The following CHI3L1 variants were observed in gnomAD, a reference collection of about 807,000 sequenced individuals.
CHI3L1 encodes chitinase-3-like protein 1.
In CHI3L1, 30 loss-of-function variants were observed where a neutral mutation model predicts 40.7. The ratio of observed to expected loss-of-function variants is 0.74; its 90% CI spans 0.55 to 1.00. The LOEUF (loss-of-function observed/expected upper bound fraction) is 1.00, where lower values mean the gene tolerates loss of function less well. Among genes scored for constraint, CHI3L1 ranks in the 50% least tolerant of loss-of-function variants. The probability of loss-of-function intolerance (pLI) is 0.00; values close to 1 mark genes in which losing one functional copy is unlikely to be tolerated. For synonymous variants in CHI3L1, 210 were observed against 192.1 expected (o/e 1.09, Z -0.77); for missense variants, 493 against 492.2 (o/e 1.00, Z -0.01).
At position 203,183,778 on chromosome 1, in the gene CHI3L1, C is replaced by T. The variant is rs1280587751; in HGVS notation, c.328G>A (p.Ala110Thr). The T allele has an allele frequency of 6.2e-7, 1 of 1,614,200 alleles. No individual in the cohort carries two copies. The highest frequency in any genetic ancestry group is 8.5e-7 in the Non-Finnish European group (1 of 1,180,022). ...NFGSQRFSKI[A>T]SNTQSRRTFI... ...GTCCGGCGACTCTGGGTGTTGGAGG[C>T]TATCTTGGAAAATCTAGGACCAAAA... is the stretch of plus-strand genomic sequence containing the variant. The change falls in exon 5 of 10, where the codon GCC becomes ACC. Residue 110 changes from alanine to threonine, a missense_variant. By Grantham distance (58) the Ala-to-Thr change is moderately conservative. Coordinates refer to ENST00000255409, the MANE Select transcript of CHI3L1 (RefSeq NM_001276.4).
intron 2 of CHI3L1, 133 bp downstream of exon 2, chr1:203,186,183 G>A: frequency 1.1e-6 from 1 of 901,110 alleles, no homozygotes; most frequent in Non-Finnish European, 1.8e-6. Context: ...TAGCAAACGT[G>A]ACTATTTCGA....
chr1:203,180,666 G>T lies in CHI3L1; in HGVS notation c.712-14C>A, dbSNP rs773578801. ...CACAGCATAGTCCTGGGTGGGGTAG[G>T]GTGGGAACAACGTGAGCAGTTAGTG... On this transcript the variant is annotated splice_polypyrimidine_tract_variant and intron_variant, in intron 7 of 9. Coordinates refer to ENST00000255409, the MANE Select transcript of CHI3L1 (RefSeq NM_001276.4). 6.6e-6 allele frequency: 10 copies of T among 1,521,544 alleles called. No homozygotes were observed. Among genetic ancestry groups the T allele is most frequent in the African/African-American group, 1.4e-5 (1 of 72,094 alleles). 94.3% of individuals were successfully genotyped at this position (1,521,544 alleles called of 1,614,324 possible).
At chr1:203,186,464 C>A (rs1029726904) in intron 1 of CHI3L1, 119 bp from the exon 2 acceptor site, 4 of 1,250,404 alleles carry the variant, frequency 3.2e-6, no homozygotes, top group Non-Finnish European at 4.5e-6. Context: ...CAGCCTCAGT[C>A]CCTCCCCTGG....
At position 203,179,315 on chromosome 1, in the gene CHI3L1, A is replaced by G. The variant is rs1473776150; in HGVS notation, c.*130T>C. On this transcript the variant is annotated 3_prime_UTR_variant, in exon 10 of 10. Transcript: ENST00000255409. ...AAATCTGTGTGTTGTGGACCTCTGC[A>G]TAGGCCCCAAGGGAGGGAGACTGAG... 2 of 815,168 alleles carry G rather than the reference A, an allele frequency of 2.5e-6. No homozygotes were observed. Among genetic ancestry groups the G allele is most frequent in the East Asian group, 2.5e-5 (1 of 40,626 alleles). The allele number at this position is 815,168 out of a possible 1,614,324, so 50.5% of individuals were successfully genotyped here. A position where few individuals can be genotyped will look rare whatever the true frequency, so the allele number is the denominator to read the frequency against.
Position 203,180,657 on chromosome 1 carries a change from G to A in CHI3L1, c.712-5C>T, listed in dbSNP as rs745850378. ...CATGTACCCCACAGCATAGTCCTGG[G>A]TGGGGTAGGGTGGGAACAACGTGAG... is the stretch of plus-strand genomic sequence containing the variant. On this transcript the variant is annotated splice_polypyrimidine_tract_variant and splice_region_variant and intron_variant, in intron 7 of 9. Transcript: ENST00000255409. 4 of 1,548,008 alleles carry A rather than the reference G, an allele frequency of 2.6e-6. No homozygotes were observed. The South Asian group carries it at 3.5e-5, about 14-fold the overall frequency.
At position 203,180,547 on chromosome 1, in the gene CHI3L1, C is replaced by G. The variant is rs200476432; in HGVS notation, c.817G>C (p.Gly273Arg). Residue 273 changes from glycine (G) to arginine (R), a missense_variant, in exon 8 of 10, where the codon GGT (glycine) becomes CGT (arginine). Coordinates refer to ENST00000255409, the MANE Select transcript of CHI3L1 (RefSeq NM_001276.4). ...RSFTLASSET[G>R]VGAPISGPGI... ...GGTCCTGAGATTGGGGCTCCAACAC[C>G]AGTCTCAGAAGAAGCCAGAGTGAAG... 1.2e-6 allele frequency: 2 copies of G among 1,611,470 alleles called. No homozygotes were observed. The highest frequency in any genetic ancestry group is 1.7e-6 in the Non-Finnish European group (2 of 1,179,164).
rs775953808 is a variant in CHI3L1, at chr1:203,181,256, T to C, written c.617A>G (p.Tyr206Cys). The change falls in exon 7 of 10, where the codon TAC becomes TGC. Residue 206 changes from tyrosine to cysteine, a missense_variant. Tyr to Cys is a radical substitution (Grantham distance 194, BLOSUM62 -2). Transcript: ENST00000255409. ...QHLDFISIMTYDFHGAWRGTT... is the reference protein window; with the variant it reads ...QHLDFISIMTCDFHGAWRGTT... ...CCCACGCCAGGCTCCATGAAAATCG[T>C]AGGTCATGATGCTAATGAAATCCAG... The C allele has an allele frequency of 9.9e-6, 16 of 1,613,840 alleles. No homozygotes were observed. The African/African-American group carries it at 1.6e-4, about 16-fold the overall frequency.
chr1:203,180,801 A>G, intron 7 of CHI3L1, 149 bp from the exon 8 acceptor site: 1 of 635,324 alleles, frequency 1.6e-6, no homozygotes, highest in Admixed American at 3.6e-5. Flanking sequence ...TGTCACTTTA[A>G]AGTGAATTTT....
intron 5 of CHI3L1, 136 bp downstream of exon 5, chr1:203,183,505 G>A: frequency 1.2e-6 from 1 of 846,412 alleles, no homozygotes. Context: ...CAGGGCACAG[G>A]GTCCCAGGAC....
chr1:203,179,768 T>C lies in CHI3L1; in HGVS notation c.1004A>G (p.Lys335Arg), dbSNP rs367962164. The C allele has an allele frequency of 5.8e-5, 93 of 1,614,194 alleles. 1 individual carries two copies. The South Asian group carries it at 6.6e-4, about 11-fold the overall frequency. Residue 335 changes from lysine to arginine, a missense_variant, in exon 9 of 10, where the codon AAA (lysine) becomes AGA (arginine). By Grantham distance (26) the Lys-to-Arg change is conservative (BLOSUM62 2). Coordinates refer to ENST00000255409, the MANE Select transcript of CHI3L1 (RefSeq NM_001276.4). Reference sequence around the variant, plus strand: ...GGCCTTGGGGAAACCTACCTTGCTTTTGACGCTTTCCTGGTCGTCGTATCC... The same window carrying C: ...GGCCTTGGGGAAACCTACCTTGCTTCTGACGCTTTCCTGGTCGTCGTATCC... ...WVGYDDQESV[K>R]SKVQYLKDRQ...
intron 9 of CHI3L1, 63 bp downstream of exon 9, chr1:203,179,698 G>A: frequency 2.5e-6 from 4 of 1,614,082 alleles, no homozygotes; most frequent in Middle Eastern, 3.3e-4. Flanking sequence ...CAGGAATCTG[G>A]CTGCTGGGAG....
chr1:203,184,736 G>T, intron 3 of CHI3L1, 104 bp from the exon 4 acceptor site: 1 of 960,246 alleles, frequency 1.0e-6, no homozygotes, highest in Non-Finnish European at 1.7e-6. Flanking sequence ...TGCTTTGGGT[G>T]AGAGGCTGGG....
rs1655932222 is a variant in CHI3L1 at position 203,181,303 on chromosome 1, G to A, written c.588-18C>T. ...CCAGGTGTCTGAGGAGGAAGGGGATGGAGGGTGAGGCAGGAAATTATTAAT... is the reference window on the plus strand; with the variant it reads ...CCAGGTGTCTGAGGAGGAAGGGGATAGAGGGTGAGGCAGGAAATTATTAAT... On this transcript the variant is annotated intron_variant, in intron 6 of 9. Coordinates refer to ENST00000255409, the MANE Select transcript of CHI3L1 (RefSeq NM_001276.4). 1.9e-6 allele frequency: 3 copies of A among 1,612,756 alleles called. No homozygotes were observed. Among genetic ancestry groups the A allele is most frequent in the East Asian group, 2.2e-5 (1 of 44,862 alleles).
At chr1:203,183,565 G>A (rs953653415) in intron 5 of CHI3L1, 76 bp downstream of exon 5, 205 of 1,505,456 alleles carry the variant, frequency 1.4e-4, no homozygotes, top group Middle Eastern at 4.4e-4. Context: ...GAGGACAGCA[G>A]CTGACGCCGG....
chr1:203,183,814 A>G, intron 4 of CHI3L1, 23 bp from the exon 5 acceptor site: 1 of 1,614,006 alleles, frequency 6.2e-7, no homozygotes, highest in Non-Finnish European at 8.5e-7. Flanking sequence ...TCAGCCCTGT[A>G]GCATGCTCAG....
rs1452303517 is a variant in CHI3L1 at position 203,182,812 on chromosome 1, T to C, written c.506A>G (p.Lys169Arg). Residue 169 changes from lysine (K) to arginine (R), a missense_variant, in exon 6 of 10, where the codon AAA becomes AGA. Lys to Arg is a conservative substitution (Grantham distance 26, BLOSUM62 2). Coordinates refer to ENST00000255409, the MANE Select transcript of CHI3L1 (RefSeq NM_001276.4). ...AEFIKEAQPG[K>R]KQLLLSAALS... ...TGCTGCGCTGAGCAGGAGCTGCTTT[T>C]TCCCTGGCTGGGCTTCCTTTATAAA... 1 of 1,614,038 alleles carries C rather than the reference T, an allele frequency of 6.2e-7. No homozygotes were observed. The highest frequency in any genetic ancestry group is 1.3e-5 in the African/African-American group (1 of 74,910).
At position 203,186,702 on chromosome 1, in the gene CHI3L1, C is replaced by G; in HGVS notation, c.-79G>C. 1 of 1,551,946 alleles carries G rather than the reference C, an allele frequency of 6.4e-7. No homozygotes were observed. Among genetic ancestry groups the G allele is most frequent in the Non-Finnish European group, 8.9e-7 (1 of 1,124,914 alleles). On this transcript the variant is annotated 5_prime_UTR_variant, in exon 1 of 10. Transcript: ENST00000255409. ...CTGGTGCCAGCTACCTAGACAGGGC[C>G]TCTTCCCCAGGCCCTGTACTTCCTT...
chr1:203,184,347 A>G (rs933540823), intron 4 of CHI3L1, among the ~76,000 whole-genome samples: 2 of 152,170 alleles, frequency 1.3e-5, no homozygotes, highest in African/African-American at 4.8e-5. Context: ...TTGGCAGGGA[A>G]TTGGGAGATC....
intron 8 of CHI3L1, chr1:203,180,212 G>C: frequency 1.8e-6 from 1 of 565,054 alleles, no homozygotes; most frequent in Non-Finnish European, 3.1e-6. Flanking sequence ...CTCTTTCCTG[G>C]GCTGGAAGGA....
Sources: allele counts gnomAD v4.1 joint callset (sites outside exome capture counted in the v4.1 genomes callset), GRCh38; gene constraint gnomAD v4.1.1; transcripts MANE v1.5; gene names NCBI Gene and HGNC (gene_info 2026-07-23, HGNC 2026-07-21).